The following RNF212 variants were observed in gnomAD, a reference collection of about 807,000 sequenced individuals.
RNF212 encodes ring finger protein 212.
RNF212 carries 33 observed loss-of-function variants against 34.7 expected under a neutral mutation model. That is an observed-to-expected ratio of 0.95 (90% CI 0.72 to 1.27). The LOEUF (loss-of-function observed/expected upper bound fraction) is 1.27, where lower values mean the gene tolerates loss of function less well. Ranked by LOEUF, RNF212 falls within the 50% of genes most tolerant of loss-of-function variation. The probability of loss-of-function intolerance (pLI) is 0.00; values close to 1 mark genes in which losing one functional copy is unlikely to be tolerated. For missense variants in RNF212, 377 were observed against 362.2 expected (o/e 1.04, Z -0.33); for synonymous variants, 140 against 136.1 (o/e 1.03, Z -0.20).
chr4:1,111,509 T>C (rs1388628076), intron 1 of RNF212, among the ~76,000 whole-genome samples: 1 of 152,148 alleles, frequency 6.6e-6, no homozygotes, highest in Non-Finnish European at 1.5e-5. Context: ...CTCCAGTGTT[T>C]TGTCTAGCAG....
intron 4 of RNF212, among the ~76,000 whole-genome samples, chr4:1,087,965 G>A (rs554673289): frequency 6.6e-6 from 1 of 152,228 alleles, no homozygotes; most frequent in East Asian, 1.9e-4. Context: ...AAATCACCCA[G>A]TCTCAGGTAG....
intron 3 of RNF212, among the ~76,000 whole-genome samples, chr4:1,065,310 A>T (rs2153033554): frequency 6.6e-6 from 1 of 152,350 alleles, no homozygotes; most frequent in African/African-American, 2.4e-5. Context: ...TTGGGTTTTT[A>T]AAAATGATTA....
At position 1,057,231 on chromosome 4, in the gene RNF212, G is replaced by A. The variant is rs545989031; in HGVS notation, n.221-728C>T. Among the ~76,000 whole-genome samples, 17 of 152,294 alleles carry A rather than the reference G, an allele frequency of 1.1e-4. No individual in the cohort carries two copies. The South Asian group carries it at 1.7e-3, about 15-fold the overall frequency. ...GTCGACAACCCAGGCCAGCGGGGAC[G>A]GGAGGTGGGGGCGTGAGAGAACGCT... On this transcript the variant is annotated intron_variant and non_coding_transcript_variant, in intron 4 of 4. Coordinates refer to the RNF212 transcript ENST00000503206.
At chr4:1,093,712 A>G (rs1387946457) in intron 3 of RNF212, 2 of 1,536,226 alleles carry the variant, frequency 1.3e-6, no homozygotes, top group South Asian at 2.4e-5. Context: ...GTCTGTGATA[A>G]CAGACATGTT....
downstream of RNF212, among the ~76,000 whole-genome samples, chr4:1,067,356 A>T (rs1718157122): frequency 6.6e-6 from 1 of 152,186 alleles, no homozygotes; most frequent in South Asian, 2.1e-4. Context: ...CCAACCACAA[A>T]ATTAATAATT....
In RNF212 at chr4:1,113,355, C is replaced by A. The variant is rs1726123214; in HGVS notation, c.109+1G>T. ...CCAGCCTGCGTTCGGGAAGCCCTGA[C>A]CTTTGCCGAGGCAGGCGTCGCAGTA... On this transcript the variant is annotated splice_donor_variant, in intron 1 of 9. Transcript: ENST00000433731. LOFTEE classifies it high-confidence loss of function. 1 of 1,559,838 alleles carries A rather than the reference C, an allele frequency of 6.4e-7. No individual in the cohort carries two copies. The highest frequency in any genetic ancestry group is 8.7e-7 in the Non-Finnish European group (1 of 1,155,916).
At chr4:1,110,189 T>C in intron 1 of RNF212, among the ~76,000 whole-genome samples, 1 of 152,156 alleles carries the variant, frequency 6.6e-6, no homozygotes, top group Non-Finnish European at 1.5e-5. Context: ...ATGCCTGATC[T>C]ATAAATAGTG....
intron 4 of RNF212, among the ~76,000 whole-genome samples, chr4:1,057,982 AC>A (rs1717446640): frequency 1.3e-5 from 2 of 151,950 alleles, no homozygotes; most frequent in Admixed American, 1.3e-4. Flanking sequence ...AATCACTTGA[AC>A]CCAGGAGGCG....
chr4:1,074,638 C>T (rs932504113), intron 8 of RNF212, among the ~76,000 whole-genome samples: 3 of 152,140 alleles, frequency 2.0e-5, no homozygotes, highest in Non-Finnish European at 2.9e-5. Context: ...CTTGGAAGGA[C>T]GGACCCCCCT....
chr4:1,065,494 G>T (rs1453517070), intron 3 of RNF212, among the ~76,000 whole-genome samples: 9 of 151,028 alleles, frequency 6.0e-5, no homozygotes, highest in African/African-American at 2.2e-4. Context: ...TTGAGACAGG[G>T]TCTCACTCTG....
At position 1,096,631 on chromosome 4, in the gene RNF212, C is replaced by T. The variant is rs1186938838; in HGVS notation, c.246+134G>A. The T allele has an allele frequency of 1.8e-5, 12 of 648,782 alleles. 1 individual carries two copies. The highest frequency in any genetic ancestry group is 3.3e-5 in the Non-Finnish European group (12 of 366,592). 40.2% of individuals were successfully genotyped at this position (648,782 alleles called of 1,614,324 possible). ...CTGGCTCATCACAGAACCAAGCACA[C>T]CCCTCACAGCTCCATGGTCTCGGGA... On this transcript the variant is annotated intron_variant, in intron 3 of 9. Transcript: ENST00000433731.
At chr4:1,064,580 CCT>C (rs1717964779) in intron 3 of RNF212, among the ~76,000 whole-genome samples, 1 of 50,806 alleles carries the variant, frequency 2.0e-5, no homozygotes, top group Non-Finnish European at 3.9e-5. Flanking sequence ...CTTCATACGG[CCT>C]CTTTTGTGTG....
intron 8 of RNF212, among the ~76,000 whole-genome samples, chr4:1,074,801 C>T (rs1329658762): frequency 6.6e-6 from 1 of 152,180 alleles, no homozygotes; most frequent in Non-Finnish European, 1.5e-5. Context: ...TCTGTACCTT[C>T]AGCCTCTGCC....
intron 2 of RNF212, 53 bp from the exon 3 acceptor site, chr4:1,096,892 G>A: frequency 7.4e-7 from 1 of 1,353,060 alleles, no homozygotes; most frequent in Non-Finnish European, 1.1e-6. Flanking sequence ...AACGCTTCTG[G>A]CCCCCAGTTA....
chr4:1,077,897 T>G (rs1719583814), intron 8 of RNF212, among the ~76,000 whole-genome samples: 1 of 152,078 alleles, frequency 6.6e-6, no homozygotes, highest in African/African-American at 2.4e-5. Flanking sequence ...CCGGTGGGTG[T>G]GGGCGTGGCC....
intron 2 of RNF212, among the ~76,000 whole-genome samples, chr4:1,105,038 G>A (rs563960588): frequency 6.6e-6 from 1 of 152,280 alleles, no homozygotes; most frequent in African/African-American, 2.4e-5. Flanking sequence ...GCCTGCTGGG[G>A]TTCCCATCAA....
At chr4:1,057,987 G>C (rs1412326288) in intron 4 of RNF212, among the ~76,000 whole-genome samples, 5 of 151,986 alleles carry the variant, frequency 3.3e-5, no homozygotes, top group African/African-American at 1.2e-4. Context: ...CTTGAACCCA[G>C]GAGGCGGAGG....
intron 3 of RNF212, among the ~76,000 whole-genome samples, chr4:1,091,482 C>G (rs1190127202): frequency 1.3e-5 from 2 of 152,328 alleles, no homozygotes; most frequent in Admixed American, 6.5e-5. Context: ...AAAGACCAGG[C>G]TGGAAGGGCC....
intron 8 of RNF212, among the ~76,000 whole-genome samples, chr4:1,079,338 TACGGGAACAAC>T (rs1719941957): frequency 6.6e-6 from 1 of 152,106 alleles, no homozygotes; most frequent in African/African-American, 2.4e-5. Flanking sequence ...ATGGGACCTG[TACGGGAACAAC>T]ACAGGAACAA....
Sources: allele counts gnomAD v4.1 joint callset (sites outside exome capture counted in the v4.1 genomes callset), GRCh38; gene constraint gnomAD v4.1.1; transcripts MANE v1.5; gene names NCBI Gene and HGNC (gene_info 2026-07-23, HGNC 2026-07-21).